Variants in CYRIB observed in about 807,000 individuals in gnomAD.
The protein encoded by CYRIB is CYFIP related Rac1 interactor B, also known as CYFIP-related Rac1 interactor B.
A neutral mutation model predicts 44.2 loss-of-function variants in CYRIB; 8 were observed. The observed-to-expected ratio is 0.18, with a 90% CI of 0.11 to 0.33. The LOEUF (loss-of-function observed/expected upper bound fraction) is 0.33. Ranked by LOEUF, CYRIB falls within the 10% of genes least tolerant of loss-of-function variation. The pLI, the probability that CYRIB is intolerant of heterozygous loss-of-function variation, is 1.00. For synonymous variants in CYRIB, 131 were observed against 127.2 expected, an observed-to-expected ratio of 1.03 and a Z score of -0.20; for missense variants, 185 against 382.8, an observed-to-expected ratio of 0.48 and a Z score of 4.31.
intron 1 of CYRIB, among the ~76,000 whole-genome samples, chr8:129,905,750 A>G (rs1425975198): frequency 6.6e-6 from 1 of 152,250 alleles, no homozygotes; most frequent in East Asian, 1.9e-4. Context: ...CACTTTGCAT[A>G]AAATCATGGG....
rs188052766 is a variant in CYRIB at position 129,848,118 on chromosome 8, T to C, written c.840+1125A>G. On this transcript the variant is annotated intron_variant, in intron 10 of 11. Coordinates refer to ENST00000519824, the Ensembl canonical transcript of CYRIB. ...ACTGCACCCGGCCTACTAGCAATTC[T>C]ATTACTTGATCTGCTAAACTTTAGT... 4.1e-4 allele frequency among the ~76,000 whole-genome samples: 62 copies of C among 152,330 alleles called. 1 individual carries two copies. The highest frequency in any genetic ancestry group is 1.4e-3 in the African/African-American group (59 of 41,580).
At chr8:129,856,544 AAAT>A (rs1414401540) in intron 5 of CYRIB, among the ~76,000 whole-genome samples, 1 of 152,232 alleles carries the variant, frequency 6.6e-6, no homozygotes, top group Admixed American at 6.5e-5. Flanking sequence ...TGGTCAGAGA[AAAT>A]AAGAGCTTAC....
chr8:129,922,595 G>A (rs1262007179), intron 1 of CYRIB, among the ~76,000 whole-genome samples: 1 of 152,136 alleles, frequency 6.6e-6, no homozygotes, highest in African/African-American at 2.4e-5. Context: ...CGGGCGCGGT[G>A]GCTCACGCCT....
At chr8:129,943,537 A>G (rs2093892859), upstream of CYRIB, among the ~76,000 whole-genome samples, 1 of 151,192 alleles carries the variant, frequency 6.6e-6, no homozygotes, top group East Asian at 2.0e-4. Flanking sequence ...AGAGGTTGCA[A>G]TGAGCCAAGA....
At chr8:129,949,894 A>G (rs558053240) in intron 2 of CYRIB, among the ~76,000 whole-genome samples, 2 of 151,918 alleles carry the variant, frequency 1.3e-5, no homozygotes, top group African/African-American at 4.8e-5. Context: ...ATAATACACT[A>G]CTCATCTATA....
chr8:129,952,579 G>A (rs1477691633), intron 2 of CYRIB, among the ~76,000 whole-genome samples: 2 of 152,006 alleles, frequency 1.3e-5, no homozygotes, highest in East Asian at 1.9e-4. Flanking sequence ...TTTCTTTAAC[G>A]TTTTGAACCA....
intron 8 of CYRIB, chr8:129,851,257 T>C (rs1361944648): frequency 4.4e-6 from 1 of 229,724 alleles, no homozygotes; most frequent in Non-Finnish European, 8.5e-6. Context: ...GGGAACATTT[T>C]ACATGGAGGA....
intron 11 of CYRIB, among the ~76,000 whole-genome samples, chr8:129,845,702 T>C (rs542033211): frequency 6.6e-6 from 1 of 152,328 alleles, no homozygotes; most frequent in South Asian, 2.1e-4. Context: ...GTGGTAAATA[T>C]CATTATATAA....
chr8:129,841,098 C>G (rs2036095795), exon 12 of CYRIB: 1 of 152,100 alleles, frequency 6.6e-6, no homozygotes, highest in Non-Finnish European at 1.5e-5. Context: ...TGCTTTTCTC[C>G]TGGGAAGTCC....
rs1377851277 is a variant in CYRIB at position 129,849,384 on chromosome 8, A to G, written c.714-15T>C. ...TTCTGTATTCCCTGAAGAGTAGATA[A>G]GATATGCATGGAAGAAGTGCATTAC... is the stretch of plus-strand genomic sequence containing the variant. On this transcript the variant is annotated splice_polypyrimidine_tract_variant and intron_variant, in intron 9 of 11. Coordinates refer to ENST00000519824, the Ensembl canonical transcript of CYRIB. The G allele has an allele frequency of 1.6e-5, 26 of 1,591,024 alleles. No individual in the cohort carries two copies. The highest frequency in any genetic ancestry group is 2.1e-5 in the Non-Finnish European group (25 of 1,173,820).
intron 1 of CYRIB, among the ~76,000 whole-genome samples, chr8:129,977,748 G>A (rs968128206): frequency 1.3e-5 from 2 of 152,030 alleles, no homozygotes; most frequent in Non-Finnish European, 2.9e-5. Context: ...TAGCCAGGAT[G>A]GTCTCGATCT....
intron 1 of CYRIB, among the ~76,000 whole-genome samples, chr8:129,931,612 G>A (rs557585164): frequency 4.6e-5 from 7 of 152,078 alleles, no homozygotes; most frequent in Non-Finnish European, 8.8e-5. Flanking sequence ...AATATGTGTC[G>A]TGTTCTTATC....
chr8:129,938,874 C>T (rs1283012138), intron 1 of CYRIB, among the ~76,000 whole-genome samples: 1 of 152,172 alleles, frequency 6.6e-6, no homozygotes, highest in African/African-American at 2.4e-5. Flanking sequence ...CATACACACA[C>T]ACACACAGCA....
intron 5 of CYRIB, among the ~76,000 whole-genome samples, chr8:129,861,795 C>A (rs1465546884): frequency 6.6e-6 from 1 of 152,038 alleles, no homozygotes; most frequent in Admixed American, 6.6e-5. Context: ...TTAAGCGTAA[C>A]CAGTAAAAAT....
intron 1 of CYRIB, among the ~76,000 whole-genome samples, chr8:129,923,175 A>T (rs1468429876): frequency 6.8e-6 from 1 of 147,670 alleles, no homozygotes; most frequent in African/African-American, 2.5e-5. Context: ...CCTGGGAGGC[A>T]GAGGTTGTGG....
chr8:129,989,182 G>A (rs989701480), intron 1 of CYRIB, among the ~76,000 whole-genome samples: 2 of 151,968 alleles, frequency 1.3e-5, no homozygotes, highest in Non-Finnish European at 2.9e-5. Flanking sequence ...TCGGCTCTTT[G>A]CACCACCTCT....
intron 1 of CYRIB, among the ~76,000 whole-genome samples, chr8:129,918,689 A>G (rs958370544): frequency 6.6e-6 from 1 of 152,222 alleles, no homozygotes; most frequent in African/African-American, 2.4e-5. Context: ...CAGGCTGTTC[A>G]TTGTTATCAT....
intron 1 of CYRIB, among the ~76,000 whole-genome samples, chr8:129,989,636 CTTTCT>C (rs1451015623): frequency 6.1e-5 from 9 of 147,726 alleles, no homozygotes; most frequent in Non-Finnish European, 1.1e-4. Context: ...GCCTGATGCC[CTTTCT>C]TTTTTTTTTT....
intron 1 of CYRIB, among the ~76,000 whole-genome samples, chr8:129,912,971 CTTTTTTTTTTT>C (rs34861646): frequency 1.6e-5 from 2 of 124,124 alleles, no homozygotes; most frequent in African/African-American, 5.9e-5. Context: ...ATCTGCTTCA[CTTTTTTTTTTT>C]TTTTTTTTGA....
Sources: gnomAD v4.1 joint callset for allele counts (sites outside exome capture counted in the v4.1 genomes callset) on GRCh38, gnomAD v4.1.1 for gene constraint, MANE v1.5 for transcripts, NCBI Gene and HGNC (gene_info 2026-07-23, HGNC 2026-07-21) for gene names.